ANKHD1: variants seen among roughly 807,000 people sequenced by gnomAD.
The protein encoded by ANKHD1 is ankyrin repeat and KH domain-containing protein 1.
Under a neutral mutation model 230.5 loss-of-function variants are expected in ANKHD1, and 31 were observed. The observed-to-expected ratio is 0.13, with a 90% confidence interval of 0.10 to 0.18. ANKHD1 has a LOEUF of 0.18. ANKHD1 is among the 10% of genes least tolerant of loss of function. The pLI is 1.00. For synonymous variants in ANKHD1, 1,074 were observed against 1,117.6 expected (o/e 0.96, Z 0.78); for missense variants, 2,256 against 3,071.3 (o/e 0.73, Z 6.27).
At chr5:140,497,717 G>A (rs1461101723) in intron 15 of ANKHD1, among the ~76,000 whole-genome samples, 6 of 152,058 alleles carry the variant, frequency 3.9e-5, no homozygotes, top group Non-Finnish European at 8.8e-5. Flanking sequence ...ATCAACTTAC[G>A]TATTTCCAAT....
At position 140,506,571 on chromosome 5, in the gene ANKHD1, T is replaced by C. The variant is rs1232372594; in HGVS notation, c.3409-264T>C. Among the ~76,000 whole-genome samples, 2 of 152,228 alleles carry C rather than the reference T, an allele frequency of 1.3e-5. No individual in the cohort carries two copies. Among genetic ancestry groups the C allele is most frequent in the African/African-American group, 2.4e-5 (1 of 41,462 alleles). Reference sequence around the variant, plus strand: ...AATCACAATTCTAACACATATGAAGTGCAAATTTATTGCCCAATAAATGGC... The same window carrying C: ...AATCACAATTCTAACACATATGAAGCGCAAATTTATTGCCCAATAAATGGC... On this transcript the variant is annotated intron_variant, in intron 18 of 33. Transcript: ENST00000360839. The surrounding 1 kb of genome is among the most constrained non-coding windows in gnomAD (Gnocchi z 4.7).
At chr5:140,488,516 G>T (rs547697907) in intron 14 of ANKHD1, among the ~76,000 whole-genome samples, 43 of 151,852 alleles carry the variant, frequency 2.8e-4, no homozygotes, top group Admixed American at 8.5e-4. Context: ...AAGCCAGGAG[G>T]TGGAGGTTGC....
At chr5:140,456,063 A>C (rs1775159562) in intron 7 of ANKHD1, among the ~76,000 whole-genome samples, 1 of 152,208 alleles carries the variant, frequency 6.6e-6, no homozygotes, top group African/African-American at 2.4e-5. Flanking sequence ...ATTCTTATAC[A>C]CCAATAACAG....
intron 10 of ANKHD1, among the ~76,000 whole-genome samples, chr5:140,470,003 T>G (rs556495392): frequency 2.0e-5 from 3 of 152,176 alleles, no homozygotes; most frequent in Admixed American, 1.3e-4. Context: ...CTTGCATATT[T>G]TAGAATACCA....
Position 140,529,754 on chromosome 5 carries a change from G to A in ANKHD1, c.6808G>A (p.Gly2270Ser). ...GCACCCTGATAACTCAAAGGCACCT[G>A]GCTTCAGACCACCTTCCCAGCGAGT... Reference protein sequence around the residue: ...NMHPDNSKAPGFRPPSQRVST... With the variant: ...NMHPDNSKAPSFRPPSQRVST... Residue 2270 changes from glycine (G) to serine (S), a missense_variant, in exon 29 of 34, where the codon GGC becomes AGC. Physicochemically the swap from Gly to Ser is moderately conservative, Grantham distance 56. Transcript: ENST00000360839. 1 of 1,614,118 alleles carries A rather than the reference G, an allele frequency of 6.2e-7. No homozygotes were observed. The highest frequency in any genetic ancestry group is 2.2e-5 in the East Asian group (1 of 44,888).
chr5:140,481,438 A>G (rs1419277866), intron 10 of ANKHD1, among the ~76,000 whole-genome samples: 1 of 152,092 alleles, frequency 6.6e-6, no homozygotes, highest in Non-Finnish European at 1.5e-5. Context: ...AAGTCAAAGC[A>G]TAAAGTAGTT....
intron 9 of ANKHD1, among the ~76,000 whole-genome samples, chr5:140,462,749 G>GA (rs1162549178): frequency 8.8e-6 from 1 of 113,272 alleles, no homozygotes; most frequent in East Asian, 2.9e-4. Context: ...AGAATGGCAA[G>GA]AAAAATGTTT....
At chr5:140,497,881 A>AC (rs1166514918) in intron 15 of ANKHD1, among the ~76,000 whole-genome samples, 4 of 35,984 alleles carry the variant, frequency 1.1e-4, no homozygotes, top group South Asian at 1.1e-3. Context: ...ACCACACCAC[A>AC]CACACACACA....
intron 10 of ANKHD1, among the ~76,000 whole-genome samples, chr5:140,473,537 C>T (rs919987537): frequency 2.6e-5 from 4 of 152,034 alleles, no homozygotes; most frequent in African/African-American, 9.6e-5. Context: ...CCATCCCAGG[C>T]TCAAGTGATC....
At chr5:140,537,931 G>GT (rs72312581) in intron 31 of ANKHD1, among the ~76,000 whole-genome samples, 155 bp from the exon 32 acceptor site, 3 of 151,846 alleles carry the variant, frequency 2.0e-5, no homozygotes, top group Admixed American at 2.0e-4. Flanking sequence ...TCAGGAACTG[G>GT]TTTTTTTTGG....
chr5:140,494,187 C>T (rs1178965257), intron 14 of ANKHD1, among the ~76,000 whole-genome samples: 1 of 152,120 alleles, frequency 6.6e-6, no homozygotes, highest in African/African-American at 2.4e-5. Context: ...GACCATTTAC[C>T]TTCCTTTTCT....
Position 140,526,096 on chromosome 5 carries a change from A to G in ANKHD1, c.4593A>G (p.Lys1531=). 1 of 1,613,736 alleles carries G rather than the reference A, an allele frequency of 6.2e-7. No homozygotes were observed. The highest frequency in any genetic ancestry group is 8.5e-7 in the Non-Finnish European group (1 of 1,179,956). ...CATTCACAAATGTGTTTGGGAAAAA[A>G]AGGGCCAATGTGGTGACAACTCCCA... The part of the protein sequence containing the change: ...SATFTNVFGK[K]RANVVTTPST... The change falls in exon 26 of 34, where the codon AAA becomes AAG. Residue 1531 remains lysine, a synonymous_variant. Transcript: ENST00000360839.
At chr5:140,509,881 A>T in intron 21 of ANKHD1, 69 bp downstream of exon 21, 1 of 1,557,370 alleles carries the variant, frequency 6.4e-7, no homozygotes, top group Non-Finnish European at 8.6e-7. Context: ...TTTAAAGTTA[A>T]TAACATTGTT....
intron 1 of ANKHD1, among the ~76,000 whole-genome samples, chr5:140,419,796 TTC>T (rs1415776705): frequency 3.0e-5 from 2 of 66,400 alleles, no homozygotes; most frequent in African/African-American, 7.8e-5. Context: ...CTTTCTTTCT[TTC>T]TTTCTTTCTT....
chr5:140,508,160 C>A (rs930574947), intron 20 of ANKHD1, among the ~76,000 whole-genome samples, 162 bp downstream of exon 20: 2 of 152,186 alleles, frequency 1.3e-5, no homozygotes, highest in Non-Finnish European at 2.9e-5. Context: ...GACATACTGT[C>A]ACCATCATGA....
At position 140,486,864 on chromosome 5, in the gene ANKHD1, A is replaced by G. The variant is rs145905547; in HGVS notation, c.2143-94A>G. 1.1e-3 allele frequency: 1,451 copies of G among 1,280,064 alleles called. 10 individuals are homozygous for G. The African/African-American group carries it at 0.016, about 14-fold the overall frequency. The allele number at this position is 1,280,064 out of a possible 1,614,324, so 79.3% of individuals were successfully genotyped here. A position where few individuals can be genotyped will look rare whatever the true frequency, so the allele number is the denominator to read the frequency against. ...GAAACAAAAGTGCATTTGGTGGTAT[A>G]TGAAGATAACCTAAAACAGGATATC... is the stretch of plus-strand genomic sequence containing the variant. On this transcript the variant is annotated intron_variant, in intron 13 of 33. Transcript: ENST00000360839.
At chr5:140,518,390 A>G (rs1159852411) in intron 24 of ANKHD1, among the ~76,000 whole-genome samples, 2 of 152,046 alleles carry the variant, frequency 1.3e-5, no homozygotes, top group Non-Finnish European at 2.9e-5. Flanking sequence ...TCCTTCTGAA[A>G]CTATTCCAAT....
At chr5:140,510,818 C>CAT (rs373040322) in intron 22 of ANKHD1, among the ~76,000 whole-genome samples, 1 of 149,176 alleles carries the variant, frequency 6.7e-6, no homozygotes, top group Admixed American at 6.7e-5. Flanking sequence ...CTTCTGTGTG[C>CAT]GTGTGTGTGT....
intron 10 of ANKHD1, among the ~76,000 whole-genome samples, chr5:140,479,883 A>G (rs1453195109): frequency 6.7e-6 from 1 of 149,494 alleles, no homozygotes; most frequent in Admixed American, 6.7e-5. Context: ...TGTATAATGT[A>G]TGTATATAAT....
Sources: gnomAD v4.1 joint callset for allele counts (sites outside exome capture counted in the v4.1 genomes callset) on GRCh38, gnomAD v4.1.1 for gene constraint, Gnocchi (gnomAD v3.1) non-coding constraint, MANE v1.5 for transcripts, NCBI Gene and HGNC (gene_info 2026-07-23, HGNC 2026-07-21) for gene names.